CDC25A: variants seen among roughly 807,000 people sequenced by gnomAD.
The protein encoded by CDC25A is M-phase inducer phosphatase 1.
Under a neutral mutation model 64.6 loss-of-function variants are expected in CDC25A, and 17 were observed. That is an observed-to-expected ratio of 0.26 (90% CI 0.18 to 0.39). CDC25A has a LOEUF of 0.39. CDC25A is among the 10% of genes least tolerant of loss of function. The pLI is 1.00. For missense variants in CDC25A, 473 were observed against 654.8 expected (o/e 0.72, Z 3.03); for synonymous variants, 229 against 238.6 (o/e 0.96, Z 0.37).
At chr3:48,186,817 G>C (rs201739073) in intron 1 of CDC25A, 38 bp from the exon 2 acceptor site, 2 of 1,363,784 alleles carry the variant, frequency 1.5e-6, no homozygotes, top group Admixed American at 1.9e-5. Flanking sequence ...TGATTTATAG[G>C]ATATAATTAA....
chr3:48,184,886 A>G (rs2106765012), intron 2 of CDC25A, among the ~76,000 whole-genome samples, 191 bp from the exon 3 acceptor site: 1 of 152,316 alleles, frequency 6.6e-6, no homozygotes, highest in Middle Eastern at 3.4e-3. Context: ...ACAAGTCTTA[A>G]TATTTTCATA....
Position 48,174,307 on chromosome 3 carries a change from T to C in CDC25A, c.907A>G (p.Thr303Ala), listed in dbSNP as rs771254010. 10 of 1,613,762 alleles carry C rather than the reference T, an allele frequency of 6.2e-6. No homozygotes were observed. The highest frequency in any genetic ancestry group is 5.3e-5 in the African/African-American group (4 of 74,922). Residue 303 changes from threonine to alanine, a missense_variant, in exon 9 of 15, where the codon ACT becomes GCT. By Grantham distance (58) the Thr-to-Ala change is moderately conservative (BLOSUM62 0). This residue lies in a region of CDC25A where 376 missense variants were observed against 431.9 expected (regional missense o/e 0.87). Transcript: ENST00000302506. The stretch of plus-strand genomic sequence containing the variant: ...ACCTCATGGGCCTTCTCTGGATTAG[T>C]TGACTCTTTGGGGCTGGCCCCAGAC... ...SMSGASPKES[T>A]NPEKAHETLH...
intron 5 of CDC25A, 72 bp from the exon 6 acceptor site, chr3:48,180,912 A>G: frequency 6.7e-7 from 1 of 1,497,596 alleles, no homozygotes; most frequent in East Asian, 2.3e-5. Context: ...GAAAGAGGCA[A>G]GAAAGTGGGC....
At chr3:48,187,353 C>G (rs948571132) in intron 1 of CDC25A, among the ~76,000 whole-genome samples, 6 of 152,200 alleles carry the variant, frequency 3.9e-5, no homozygotes, top group African/African-American at 1.4e-4. Flanking sequence ...AAAGAAAATG[C>G]CATGGTCCTT....
chr3:48,173,567 G>A (rs1217171936), intron 9 of CDC25A, among the ~76,000 whole-genome samples: 1 of 152,150 alleles, frequency 6.6e-6, no homozygotes, highest in Non-Finnish European at 1.5e-5. Flanking sequence ...ATGGCCAACA[G>A]CAAGCGGGGG....
In CDC25A at chr3:48,180,525, C is replaced by T. The variant is rs1559963272; in HGVS notation, c.549+196G>A. On this transcript the variant is annotated intron_variant, in intron 6 of 14. Coordinates refer to ENST00000302506, the MANE Select transcript of CDC25A (RefSeq NM_001789.3). ...ACAACTCCAATATTTCAAACACCAT[C>T]TCCCACTCTTACTACCGCCTGTCTG... is the stretch of plus-strand genomic sequence containing the variant. The T allele has an allele frequency of 9.7e-6, 5 of 516,130 alleles. No homozygotes were observed. In the South Asian group the frequency reaches 1.0e-4, roughly 10 times the overall value. 32.0% of individuals were successfully genotyped at this position (516,130 alleles called of 1,614,324 possible).
Position 48,177,924 on chromosome 3 carries a change from G to A in CDC25A, c.614C>T (p.Ser205Leu), listed in dbSNP as rs748848895. 3 of 1,613,742 alleles carry A rather than the reference G, an allele frequency of 1.9e-6. No individual in the cohort carries two copies. Among genetic ancestry groups the A allele is most frequent in the African/African-American group, 2.7e-5 (2 of 74,884 alleles). Residue 205 changes from serine to leucine, a missense_variant, in exon 7 of 15, where the codon TCA (serine) becomes TTA (leucine). Transcript: ENST00000302506. ...GNFIPLFTPQ[S>L]PVTATLSDED... ...ATCAGACAAAGTGGCTGTCACAGGTGACTGGGGTGTAAAAAGAGGAATGAA... is the reference window on the plus strand; with the variant it reads ...ATCAGACAAAGTGGCTGTCACAGGTAACTGGGGTGTAAAAAGAGGAATGAA...
rs1287206629 is a variant in CDC25A, at chr3:48,159,017, G to A, written c.1503C>T (p.Phe501=). ...HEDFKEDLKK[F]RTKSRTWAGE... Reference sequence around the variant, plus strand: ...CTGCCCAGGTCCGGCTCTTGGTGCGGAACTTCTTCAGGTCTTCTTTAAAGT... The same window carrying A: ...CTGCCCAGGTCCGGCTCTTGGTGCGAAACTTCTTCAGGTCTTCTTTAAAGT... Residue 501 remains phenylalanine (F), a synonymous_variant, in exon 15 of 15, where the codon TTC becomes TTT. Coordinates refer to ENST00000302506, the MANE Select transcript of CDC25A (RefSeq NM_001789.3). 4.3e-6 allele frequency: 7 copies of A among 1,614,170 alleles called. No individual in the cohort carries two copies. Among genetic ancestry groups the A allele is most frequent in the Admixed American group, 1.7e-5 (1 of 60,022 alleles).
intron 2 of CDC25A, among the ~76,000 whole-genome samples, chr3:48,186,146 TAC>T (rs1474819412): frequency 6.6e-6 from 1 of 152,202 alleles, no homozygotes; most frequent in Non-Finnish European, 1.5e-5. Context: ...GAATGCCACT[TAC>T]AGTGGTATGG....
intron 4 of CDC25A, among the ~76,000 whole-genome samples, chr3:48,183,331 C>A (rs561897447): frequency 3.6e-4 from 55 of 152,322 alleles, no homozygotes; most frequent in Middle Eastern, 6.8e-3. Flanking sequence ...AAGAACCCTT[C>A]CTGGTTTAAT....
intron 3 of CDC25A, among the ~76,000 whole-genome samples, chr3:48,184,421 TAAGGGTTTGG>T (rs2032776562): frequency 1.3e-5 from 2 of 151,756 alleles, no homozygotes; most frequent in Admixed American, 1.3e-4. Context: ...GAGCACAGAG[TAAGGGTTTGG>T]GTAAGACCCA....
At chr3:48,175,889 G>A (rs779447458) in intron 8 of CDC25A, among the ~76,000 whole-genome samples, 5 of 152,202 alleles carry the variant, frequency 3.3e-5, no homozygotes, top group Admixed American at 6.5e-5. Context: ...TAGCTTGGCT[G>A]GGCACGGTGG....
chr3:48,163,283 C>CAAA (rs753999679), intron 13 of CDC25A, among the ~76,000 whole-genome samples: 5 of 90,300 alleles, frequency 5.5e-5, no homozygotes, highest in African/African-American at 1.1e-4. Context: ...GCCTCCGCCT[C>CAAA]AAAAAAAAAA....
intron 13 of CDC25A, among the ~76,000 whole-genome samples, chr3:48,161,906 C>G (rs1432980236): frequency 1.3e-5 from 2 of 152,064 alleles, no homozygotes; most frequent in African/African-American, 2.4e-5. Flanking sequence ...ACTAAAAATA[C>G]AAACATTAGC....
intron 8 of CDC25A, 42 bp from the exon 9 acceptor site, chr3:48,174,499 C>T (rs2032386468): frequency 6.4e-7 from 1 of 1,571,188 alleles, no homozygotes; most frequent in Non-Finnish European, 8.6e-7. Context: ...TTCATTAAAA[C>T]CTGTTCACTT....
chr3:48,177,566 A>G, intron 7 of CDC25A, 124 bp from the exon 8 acceptor site: 1 of 730,716 alleles, frequency 1.4e-6, no homozygotes, highest in Non-Finnish European at 2.3e-6. Flanking sequence ...TCCTTAATGT[A>G]CCATCCTATA....
chr3:48,177,356 A>C lies in CDC25A; in HGVS notation c.756+15T>G. ...ATCACGCAGGGCTTCCTCCAGACAC[A>C]CTAGAACAACTCACAAGGTTTGTAG... On this transcript the variant is annotated intron_variant, in intron 8 of 14. Coordinates refer to ENST00000302506, the MANE Select transcript of CDC25A (RefSeq NM_001789.3). 6.2e-7 allele frequency: 1 copy of C among 1,609,538 alleles called. No homozygotes were observed. The highest frequency in any genetic ancestry group is 1.3e-5 in the African/African-American group (1 of 74,948).
At chr3:48,183,600 G>C (rs965315210) in intron 4 of CDC25A, among the ~76,000 whole-genome samples, 200 bp downstream of exon 4, 1 of 152,156 alleles carries the variant, frequency 6.6e-6, no homozygotes, top group African/African-American at 2.4e-5. Flanking sequence ...AGGATCACTT[G>C]AGCCAGGGAA....
chr3:48,160,034 C>T (rs528073673), intron 13 of CDC25A, among the ~76,000 whole-genome samples: 1 of 152,158 alleles, frequency 6.6e-6, no homozygotes, highest in Non-Finnish European at 1.5e-5. Flanking sequence ...CCCTTGTTCA[C>T]CCCACGCCAG....
Sources: allele counts gnomAD v4.1 joint callset (sites outside exome capture counted in the v4.1 genomes callset), GRCh38; gene constraint gnomAD v4.1.1; regional missense constraint gnomAD v4.1.1; transcripts MANE v1.5; gene names NCBI Gene and HGNC (gene_info 2026-07-23, HGNC 2026-07-21).